SHROOM2: variants seen among roughly 807,000 people sequenced by gnomAD.
SHROOM2 encodes protein Shroom2.
SHROOM2 carries 33 observed loss-of-function variants against 75.9 expected under a neutral mutation model. The observed-to-expected ratio is 0.43, with a 90% CI of 0.33 to 0.58. The LOEUF (loss-of-function observed/expected upper bound fraction) is 0.58. SHROOM2 is among the 20% of genes least tolerant of loss of function. The pLI, the probability that SHROOM2 is intolerant of heterozygous loss-of-function variation, is 0.04. For missense variants in SHROOM2, 1,434 were observed against 1,461.2 expected (o/e 0.98, Z 0.30); for synonymous variants, 655 against 663.6 (o/e 0.99, Z 0.20).
At position 9,802,617 on chromosome X, in the gene SHROOM2, G is replaced by A. The variant is rs1022873462; in HGVS notation, c.165+15907G>A. Among the ~76,000 whole-genome samples, 9 of 111,812 alleles carry A rather than the reference G, an allele frequency of 8.0e-5. No individual in the cohort carries two copies. The East Asian group carries it at 2.5e-3, about 31-fold the overall frequency. On this transcript the variant is annotated intron_variant, in intron 1 of 9. Transcript: ENST00000380913. The stretch of plus-strand genomic sequence containing the variant: ...ATCCTCAAGCCTACTTGACCCGGGA[G>A]GTCCCTGAGAGTGGGGACTGGCTCT...
chrX:9,832,591 A>G (rs1389894598), intron 1 of SHROOM2, among the ~76,000 whole-genome samples: 1 of 111,841 alleles, frequency 8.9e-6, no homozygotes, highest in African/African-American at 3.2e-5. Flanking sequence ...GGGCACAGCT[A>G]GAGCTGGGAG....
Position 9,894,855 on chromosome X carries a change from C to T in SHROOM2, c.947C>T (p.Pro316Leu), listed in dbSNP as rs769870024. 9.9e-6 allele frequency: 12 copies of T among 1,210,877 alleles called. No homozygotes were observed. The South Asian group carries it at 1.4e-4, about 14-fold the overall frequency. ...AAGAAAGCACCATCATCCCCACCTCCTCCCCCTCCCCCTCTCCGCAGTGAC... is the reference window on the plus strand; with the variant it reads ...AAGAAAGCACCATCATCCCCACCTCTTCCCCCTCCCCCTCTCCGCAGTGAC... Reference protein sequence around the residue: ...DKKKAPSSPPPPPPPLRSDSF... With the variant: ...DKKKAPSSPPLPPPPLRSDSF... Residue 316 changes from proline (P) to leucine (L), a missense_variant, in exon 4 of 10, where the codon CCT becomes CTT. By Grantham distance (98) the Pro-to-Leu change is moderately conservative. Around this residue, in one of 3 missense-constraint regions of SHROOM2, gnomAD observed 1,340 missense variants for 1,338.3 expected, o/e 1.00. Transcript: ENST00000380913.
chrX:9,896,739 C>G, intron 4 of SHROOM2, 41 bp downstream of exon 4: 1 of 1,115,943 alleles, frequency 9.0e-7, no homozygotes, highest in Non-Finnish European at 1.2e-6. Context: ...TCATCTTAAC[C>G]CAAGGACAGG....
At chrX:9,938,757 C>A (rs1243204247) in intron 7 of SHROOM2, among the ~76,000 whole-genome samples, 1 of 111,091 alleles carries the variant, frequency 9.0e-6, no homozygotes, top group Admixed American at 9.6e-5. Context: ...GGGTATGACA[C>A]ACAGCCAAGG....
At chrX:9,822,126 G>C in intron 1 of SHROOM2, among the ~76,000 whole-genome samples, 1 of 112,230 alleles carries the variant, frequency 8.9e-6, no homozygotes, top group Non-Finnish European at 1.9e-5. Context: ...GATTTTTGGT[G>C]CTGGATCTGA....
chrX:9,817,686 A>G (rs1195463046), intron 1 of SHROOM2, among the ~76,000 whole-genome samples: 1 of 112,489 alleles, frequency 8.9e-6, no homozygotes, highest in African/African-American at 3.2e-5. Flanking sequence ...TCTACCTCGC[A>G]GTGTACATTA....
chrX:9,869,940 G>A lies in SHROOM2; in HGVS notation c.166-3712G>A, dbSNP rs186932799. On this transcript the variant is annotated intron_variant, in intron 1 of 9. Transcript: ENST00000380913. The stretch of plus-strand genomic sequence containing the variant: ...GATGATAGAATTATACTTTGTAAAT[G>A]TGCATTTTTGCTCATGTTTGTAACC... Among the ~76,000 whole-genome samples the A allele has an allele frequency of 1.2e-3, 137 of 112,077 alleles. 1 individual carries two copies. The highest frequency in any genetic ancestry group is 4.2e-3 in the African/African-American group (131 of 30,892).
intron 1 of SHROOM2, among the ~76,000 whole-genome samples, chrX:9,814,287 C>T (rs779690429): frequency 1.8e-4 from 20 of 111,727 alleles, no homozygotes; most frequent in Admixed American, 1.1e-3. Flanking sequence ...CCAGCTGCAA[C>T]ATTAAAAGCA....
chrX:9,811,155 C>G (rs911974936), intron 1 of SHROOM2, among the ~76,000 whole-genome samples: 2 of 112,066 alleles, frequency 1.8e-5, no homozygotes, highest in Non-Finnish European at 3.8e-5. Flanking sequence ...CAACCTGCCA[C>G]CAGGTAGCTG....
rs930526227 is a variant in SHROOM2, at chrX:9,937,507, A to G, written c.3961A>G (p.Arg1321Gly). The G allele has an allele frequency of 8.3e-7, 1 of 1,211,846 alleles. No individual in the cohort carries two copies. The highest frequency in any genetic ancestry group is 3.0e-5 in the East Asian group (1 of 33,804). ...VEDLKSEELAREIVGKDKSLA... is the reference protein window; with the variant it reads ...VEDLKSEELAGEIVGKDKSLA... ...AGACCTGAAGTCGGAGGAGCTGGCC[A>G]GGGAGATCGTGGGGAAGGATAAGTC... The change falls in exon 7 of 10, where the codon AGG becomes GGG. Residue 1321 changes from arginine to glycine, a missense_variant. This residue lies in a region of SHROOM2 where 1,340 missense variants were observed against 1,338.3 expected (regional missense o/e 1.00). Transcript: ENST00000380913.
intron 2 of SHROOM2, among the ~76,000 whole-genome samples, chrX:9,888,765 G>A (rs6638973): frequency 0.14 from 15,411 of 111,375 alleles, 927 homozygotes; most frequent in East Asian, 0.36. Flanking sequence ...TACTTTGTGA[G>A]AACAAAATCT....
At chrX:9,916,327 G>A (rs1173564439) in intron 5 of SHROOM2, among the ~76,000 whole-genome samples, 1 of 112,258 alleles carries the variant, frequency 8.9e-6, no homozygotes, top group Non-Finnish European at 1.9e-5. Flanking sequence ...GTATGTGTAT[G>A]GTGCATGACA....
At chrX:9,942,365 G>C (rs2084779896) in intron 8 of SHROOM2, among the ~76,000 whole-genome samples, 1 of 111,357 alleles carries the variant, frequency 9.0e-6, no homozygotes. Context: ...CTCTGATTCA[G>C]TTCAGATGTG....
rs370744516 is a variant in SHROOM2, at chrX:9,821,370, G to C, written c.165+34660G>C. ...ACTTCTCTGAACCAGTAGAGGACGT[G>C]GGGGAGGCGTCAGGGAAGTTTTTCA... On this transcript the variant is annotated intron_variant, in intron 1 of 9. Transcript: ENST00000380913. Among the ~76,000 whole-genome samples, 3 of 111,672 alleles carry C rather than the reference G, an allele frequency of 2.7e-5. No homozygotes were observed. The South Asian group carries it at 1.1e-3, about 42-fold the overall frequency.
chrX:9,846,463 T>C (rs1337231990), intron 1 of SHROOM2, among the ~76,000 whole-genome samples: 1 of 111,026 alleles, frequency 9.0e-6, no homozygotes, highest in Non-Finnish European at 1.9e-5. Flanking sequence ...CCCAGATAAT[T>C]TTTTTGTATT....
intron 1 of SHROOM2, among the ~76,000 whole-genome samples, chrX:9,815,563 A>G (rs1054596081): frequency 3.0e-5 from 3 of 99,851 alleles, no homozygotes; most frequent in African/African-American, 1.1e-4. Flanking sequence ...TCTATCCTAT[A>G]TCTATATCCT....
At chrX:9,818,849 C>G (rs1223484211) in intron 1 of SHROOM2, 1 of 510,934 alleles carries the variant, frequency 2.0e-6, no homozygotes, top group Non-Finnish European at 3.5e-6. Context: ...AGTATCAGAA[C>G]TTTTGCATGA....
intron 1 of SHROOM2, among the ~76,000 whole-genome samples, chrX:9,872,551 G>A (rs1301590292): frequency 1.8e-5 from 2 of 111,333 alleles, no homozygotes; most frequent in Non-Finnish European, 3.8e-5. Context: ...GTGACAGAGC[G>A]AGACTCTGTC....
intron 1 of SHROOM2, among the ~76,000 whole-genome samples, chrX:9,788,266 A>T (rs1378339000): frequency 2.1e-5 from 2 of 94,135 alleles, no homozygotes; most frequent in Non-Finnish European, 4.5e-5. Flanking sequence ...TCATTAAAAA[A>T]TAGCTCTTCT....
Sources: gnomAD v4.1 joint callset for allele counts (sites outside exome capture counted in the v4.1 genomes callset) on GRCh38, gnomAD v4.1.1 for gene constraint, gnomAD v4.1.1 regional missense constraint, MANE v1.5 for transcripts, NCBI Gene and HGNC (gene_info 2026-07-23, HGNC 2026-07-21) for gene names.